Variants in DRC8 observed in about 807,000 individuals in gnomAD.
The protein encoded by DRC8 is dynein regulatory complex subunit 8.
chr1:245,059,368 A>C, the DRC8 span: 1 of 1,599,234 alleles, frequency 6.3e-7, no homozygotes. Context: ...AAACCATTGA[A>C]AACTTTTTTT....
At chr1:245,108,494 A>G in the DRC8 span, among the ~76,000 whole-genome samples, 1 of 151,898 alleles carries the variant, frequency 6.6e-6, no homozygotes, top group Non-Finnish European at 1.5e-5. Flanking sequence ...ACCCTTAACC[A>G]TTAGTGTTCC....
the DRC8 span, chr1:244,970,433 G>A: frequency 5.4e-5 from 83 of 1,535,324 alleles, no homozygotes; most frequent in African/African-American, 6.6e-4. Context: ...CGGACGAGAA[G>A]GACAGGGAAG....
At chr1:245,083,560 T>G in the DRC8 span, 3 of 1,584,234 alleles carry the variant, frequency 1.9e-6, no homozygotes, top group East Asian at 4.7e-5. Flanking sequence ...TATGAAAAAT[T>G]TATCATGTAG....
At chr1:245,051,362 C>T in the DRC8 span, among the ~76,000 whole-genome samples, 13 of 152,116 alleles carry the variant, frequency 8.5e-5, no homozygotes, top group African/African-American at 2.9e-4. Context: ...CTTCTCCAGC[C>T]TGGGTAACAG....
At chr1:244,973,206 A>C in the DRC8 span, among the ~76,000 whole-genome samples, 1 of 139,990 alleles carries the variant, frequency 7.1e-6, no homozygotes, top group Non-Finnish European at 1.6e-5. Context: ...ATATACTAAT[A>C]TAATAATTTT....
At chr1:245,044,540 G>A in the DRC8 span, among the ~76,000 whole-genome samples, 5,259 of 150,262 alleles carry the variant, frequency 0.035, 326 homozygotes, top group African/African-American at 0.12. Context: ...TCACTCTGTC[G>A]CCCAGGCTGG....
chr1:244,977,914 A>G, the DRC8 span, among the ~76,000 whole-genome samples: 3 of 152,184 alleles, frequency 2.0e-5, no homozygotes, highest in Admixed American at 6.5e-5. Context: ...TATAAAAATT[A>G]TATGTGTAAA....
At chr1:245,064,059 A>G in the DRC8 span, among the ~76,000 whole-genome samples, 1,292 of 152,198 alleles carry the variant, frequency 8.5e-3, 7 homozygotes, top group Non-Finnish European at 0.014. Flanking sequence ...GAGAAAGAAA[A>G]TTGAATTTTC....
chr1:245,015,965 C>CTTTGTTTTTT, the DRC8 span, among the ~76,000 whole-genome samples: 1 of 57,188 alleles, frequency 1.7e-5, no homozygotes, highest in African/African-American at 6.6e-5. Context: ...GCCTACAGGG[C>CTTTGTTTTTT]TTTTTTTTTT....
At chr1:245,024,690 G>A in the DRC8 span, among the ~76,000 whole-genome samples, 1 of 151,684 alleles carries the variant, frequency 6.6e-6, no homozygotes, top group Admixed American at 6.6e-5. Flanking sequence ...TGGGATCACA[G>A]GCTTGTGTCC....
At chr1:245,037,061 C>G in the DRC8 span, among the ~76,000 whole-genome samples, 2 of 152,186 alleles carry the variant, frequency 1.3e-5, no homozygotes, top group African/African-American at 4.8e-5. Context: ...TTTCAGAGTT[C>G]TCTCACCAAA....
At chr1:245,078,428 G>A in the DRC8 span, among the ~76,000 whole-genome samples, 5 of 125,646 alleles carry the variant, frequency 4.0e-5, no homozygotes, top group Middle Eastern at 4.1e-3. Flanking sequence ...TGGAAACAAC[G>A]TGTCTATAAA....
the DRC8 span, among the ~76,000 whole-genome samples, chr1:245,089,790 T>C: frequency 6.6e-6 from 1 of 151,902 alleles, no homozygotes; most frequent in Non-Finnish European, 1.5e-5. This position sits in a 1 kb window ranked among gnomAD's most constrained non-coding sequence, Gnocchi z 4.8. Context: ...ATGTAGCAAG[T>C]TCATTTCTAG....
At chr1:245,097,667 A>T in the DRC8 span, among the ~76,000 whole-genome samples, 1 of 152,178 alleles carries the variant, frequency 6.6e-6, no homozygotes, top group Non-Finnish European at 1.5e-5. The surrounding 1 kb of genome is among the most constrained non-coding windows in gnomAD (Gnocchi z 5.0). Flanking sequence ...CGGGATTAAC[A>T]CTATGAAGAA....
chr1:245,023,622 C>G, the DRC8 span, among the ~76,000 whole-genome samples: 2 of 152,144 alleles, frequency 1.3e-5, no homozygotes, highest in Admixed American at 1.3e-4. Context: ...GAAATGGTAT[C>G]TCACTGGGGC....
the DRC8 span, among the ~76,000 whole-genome samples, chr1:245,089,649 A>G: frequency 6.6e-6 from 1 of 152,184 alleles, no homozygotes; most frequent in Non-Finnish European, 1.5e-5. This position sits in a 1 kb window ranked among gnomAD's most constrained non-coding sequence, Gnocchi z 4.8. Flanking sequence ...GGGAAGCAAC[A>G]GGGTATGGAG....
At chr1:245,118,445 C>T in the DRC8 span, among the ~76,000 whole-genome samples, 2 of 152,206 alleles carry the variant, frequency 1.3e-5, no homozygotes. Flanking sequence ...CCTTGTGGAG[C>T]ATTTTAAAAA....
At chr1:245,001,561 A>T in the DRC8 span, among the ~76,000 whole-genome samples, 1 of 152,210 alleles carries the variant, frequency 6.6e-6, no homozygotes, top group Non-Finnish European at 1.5e-5. Flanking sequence ...AGGTGGTGTC[A>T]AGAGCAAGGC....
At chr1:245,051,370 CA>C in the DRC8 span, among the ~76,000 whole-genome samples, 1 of 152,068 alleles carries the variant, frequency 6.6e-6, no homozygotes, top group African/African-American at 2.4e-5. Context: ...GCCTGGGTAA[CA>C]GAGCAGACCC....
Sources: allele counts gnomAD v4.1 joint callset (sites outside exome capture counted in the v4.1 genomes callset), GRCh38; gene constraint gnomAD v4.1.1; non-coding constraint Gnocchi (gnomAD v3.1); transcripts MANE v1.5; gene names NCBI Gene and HGNC (gene_info 2026-07-23, HGNC 2026-07-21).